AMMECR1: variants seen among roughly 807,000 people sequenced by gnomAD.
AMMECR1 encodes the protein nuclear protein AMMECR1.
A neutral mutation model predicts 22.5 loss-of-function variants in AMMECR1; 3 were observed. The observed-to-expected ratio is 0.13, with a 90% CI of 0.06 to 0.35. AMMECR1 has a LOEUF of 0.35. AMMECR1 is among the 10% of genes least tolerant of loss of function. The pLI, the probability that AMMECR1 is intolerant of heterozygous loss-of-function variation, is 1.00. For synonymous variants in AMMECR1, 130 were observed against 116.7 expected (o/e 1.11, Z -0.74); for missense variants, 235 against 278.7 (o/e 0.84, Z 1.12).
chrX:110,276,722 C>T (rs1217497536), intron 1 of AMMECR1, among the ~76,000 whole-genome samples: 4 of 111,568 alleles, frequency 3.6e-5, no homozygotes, highest in Admixed American at 9.5e-5. Context: ...CAGTTGTTTT[C>T]TGCCCAGCCT....
At chrX:110,275,396 G>C (rs951417561) in intron 1 of AMMECR1, among the ~76,000 whole-genome samples, 4 of 110,902 alleles carry the variant, frequency 3.6e-5, no homozygotes, top group African/African-American at 1.3e-4. Context: ...GCACTTTAAA[G>C]ACGTCATTCC....
chrX:110,419,404 C>T (rs2068701645), intron 2 of AMMECR1, among the ~76,000 whole-genome samples: 1 of 112,559 alleles, frequency 8.9e-6, no homozygotes, highest in African/African-American at 3.2e-5. Flanking sequence ...CTTCTCTGAC[C>T]ACCCACAGTT....
At chrX:110,252,235 C>T (rs1374851959) in intron 2 of AMMECR1, among the ~76,000 whole-genome samples, 1 of 110,874 alleles carries the variant, frequency 9.0e-6, no homozygotes, top group Non-Finnish European at 1.9e-5. Context: ...CCTCTTTCTA[C>T]AACCTCATAC....
chrX:110,371,854 G>C (rs2068340870), intron 2 of AMMECR1, among the ~76,000 whole-genome samples: 1 of 111,033 alleles, frequency 9.0e-6, no homozygotes, highest in Non-Finnish European at 1.9e-5. Flanking sequence ...GCTCCCTGGG[G>C]TGCTTCACCA....
intron 3 of AMMECR1, among the ~76,000 whole-genome samples, chrX:110,212,885 G>GA (rs936244003): frequency 9.1e-6 from 1 of 110,274 alleles, no homozygotes; most frequent in South Asian, 3.8e-4. Context: ...ATAAAGAATG[G>GA]AAAAAAAATT....
intron 1 of AMMECR1, among the ~76,000 whole-genome samples, chrX:110,285,530 T>C (rs943986872): frequency 1.3e-4 from 15 of 112,146 alleles, no homozygotes; most frequent in African/African-American, 4.5e-4. Context: ...ATTCTAAGCC[T>C]GGTATGTACA....
chrX:110,294,194 TATC>T (rs2148214382), intron 1 of AMMECR1, among the ~76,000 whole-genome samples: 1 of 112,251 alleles, frequency 8.9e-6, no homozygotes, highest in South Asian at 3.7e-4. Flanking sequence ...GAAAGTATGC[TATC>T]ATAACTAGAC....
intron 2 of AMMECR1, among the ~76,000 whole-genome samples, chrX:110,406,057 C>G (rs1376544040): frequency 9.0e-6 from 1 of 110,879 alleles, no homozygotes; most frequent in Non-Finnish European, 1.9e-5. Flanking sequence ...CTCTCCACCT[C>G]CACCCCCGAC....
intron 2 of AMMECR1, among the ~76,000 whole-genome samples, chrX:110,339,214 A>G (rs2068152334): frequency 9.0e-6 from 1 of 111,116 alleles, no homozygotes; most frequent in African/African-American, 3.3e-5. Flanking sequence ...ACTCTCCACA[A>G]TCACCTGATA....
intron 1 of AMMECR1, among the ~76,000 whole-genome samples, chrX:110,306,511 T>G (rs2067996186): frequency 2.7e-5 from 3 of 109,901 alleles, no homozygotes; most frequent in Admixed American, 9.6e-5. Flanking sequence ...TAGGCTGGAG[T>G]GCAATGGCGT....
chrX:110,248,154 G>C (rs1353701587), intron 2 of AMMECR1, among the ~76,000 whole-genome samples: 2 of 111,457 alleles, frequency 1.8e-5, no homozygotes, highest in African/African-American at 6.5e-5. Context: ...TTGAGGCTGA[G>C]GTGGGCAGAT....
At chrX:110,341,429 C>T (rs2068163612) in intron 2 of AMMECR1, among the ~76,000 whole-genome samples, 1 of 112,309 alleles carries the variant, frequency 8.9e-6, no homozygotes, top group African/African-American at 3.2e-5. Context: ...TTCAATTACC[C>T]ACAGCCAACT....
At chrX:110,328,710 T>C (rs1265910405) in intron 2 of AMMECR1, among the ~76,000 whole-genome samples, 1 of 108,067 alleles carries the variant, frequency 9.3e-6, no homozygotes, top group African/African-American at 3.4e-5. Flanking sequence ...AGTGAGAACA[T>C]GTGGTGTTTG....
intron 2 of AMMECR1, among the ~76,000 whole-genome samples, chrX:110,398,588 G>A (rs971504274): frequency 8.9e-6 from 1 of 112,016 alleles, no homozygotes; most frequent in Non-Finnish European, 1.9e-5. Context: ...AGAGAGGTTA[G>A]TGACTTGCCC....
chrX:110,263,002 T>C (rs777346643), intron 2 of AMMECR1, among the ~76,000 whole-genome samples: 1 of 111,751 alleles, frequency 8.9e-6, no homozygotes, highest in African/African-American at 3.2e-5. Context: ...TTTTAACCAG[T>C]GTTTCCCAAA....
intron 2 of AMMECR1, among the ~76,000 whole-genome samples, chrX:110,417,718 G>A (rs1297054575): frequency 8.9e-6 from 1 of 112,385 alleles, no homozygotes; most frequent in African/African-American, 3.2e-5. Context: ...AGGTGATGAA[G>A]ATGATGATGA....
intron 3 of AMMECR1, among the ~76,000 whole-genome samples, chrX:110,205,952 T>A (rs2067419752): frequency 8.9e-6 from 1 of 112,469 alleles, no homozygotes; most frequent in Non-Finnish European, 1.9e-5. Context: ...AACCATTCCA[T>A]AGCAAGTGAT....
intron 3 of AMMECR1, among the ~76,000 whole-genome samples, chrX:110,213,776 AT>A (rs780856626): frequency 4.5e-5 from 5 of 111,491 alleles, no homozygotes; most frequent in African/African-American, 1.6e-4. Context: ...TAAGGTACAT[AT>A]TTTTTTAAGA....
chrX:110,247,691 CA>C (rs761139091), intron 2 of AMMECR1, among the ~76,000 whole-genome samples: 54 of 88,663 alleles, frequency 6.1e-4, no homozygotes, highest in Admixed American at 1.3e-3. Flanking sequence ...AACCCTGTCT[CA>C]AAAAAAAAAA....
Sources: allele counts gnomAD v4.1 joint callset (sites outside exome capture counted in the v4.1 genomes callset), GRCh38; gene constraint gnomAD v4.1.1; transcripts MANE v1.5; gene names NCBI Gene and HGNC (gene_info 2026-07-23, HGNC 2026-07-21).